The following DNAAF9 variants were observed in gnomAD, a reference collection of about 807,000 sequenced individuals.
DNAAF9 encodes the protein dynein axonemal assembly factor 9.
DNAAF9 carries 90 observed loss-of-function variants against 167.0 expected under a neutral mutation model. The ratio of observed to expected loss-of-function variants is 0.54; its 90% confidence interval spans 0.45 to 0.64. The LOEUF is 0.64. DNAAF9 is among the 30% of genes least tolerant of loss of function. The probability of loss-of-function intolerance (pLI) is 0.00; values close to 1 mark genes in which losing one functional copy is unlikely to be tolerated. For missense variants in DNAAF9, 1,315 were observed against 1,442.2 expected (o/e 0.91, Z 1.43); for synonymous variants, 491 against 508.8 (o/e 0.96, Z 0.47).
intron 30 of DNAAF9, among the ~76,000 whole-genome samples, chr20:3,267,276 T>C (rs7270135): frequency 0.2 from 30,116 of 152,142 alleles, 3,262 homozygotes; most frequent in African/African-American, 0.26. Context: ...AGCAGGAACT[T>C]CTTAAGCTAC....
intron 1 of DNAAF9, among the ~76,000 whole-genome samples, chr20:3,402,482 C>G (rs186549444): frequency 6.6e-6 from 1 of 152,198 alleles, no homozygotes; most frequent in Admixed American, 6.5e-5. Flanking sequence ...AACTAATTCC[C>G]CTATCCAACT....
At chr20:3,391,562 C>T (rs944165015) in intron 1 of DNAAF9, among the ~76,000 whole-genome samples, 3 of 149,364 alleles carry the variant, frequency 2.0e-5, no homozygotes, top group African/African-American at 7.4e-5. Context: ...GTGTATCCAG[C>T]CAGTCTTTTT....
At chr20:3,407,433 T>TC in intron 1 of DNAAF9, 42 bp downstream of exon 1, 2 of 1,271,774 alleles carry the variant, frequency 1.6e-6, no homozygotes, top group Non-Finnish European at 2.0e-6. Context: ...ACAGCCCGCA[T>TC]CCCCCGCCCG....
intron 11 of DNAAF9, among the ~76,000 whole-genome samples, 169 bp downstream of exon 11, chr20:3,332,111 C>T (rs1358367066): frequency 2.0e-5 from 3 of 152,208 alleles, no homozygotes; most frequent in South Asian, 2.1e-4. Context: ...CTGTGAGAAA[C>T]GTGTTAGACA....
rs1342044527 is a variant in DNAAF9, at chr20:3,362,299, A to G, written c.613-2706T>C. ...CAGTTGGAAATTGCAAGGGACTTTT[A>G]CTACTGAGCCTGTGGTGGCTGCCAT... On this transcript the variant is annotated intron_variant, in intron 6 of 36. Transcript: ENST00000252032. 2.8e-6 allele frequency: 3 copies of G among 1,057,776 alleles called. No homozygotes were observed. In the East Asian group the frequency reaches 7.1e-5, roughly 25 times the overall value. 65.5% of individuals were successfully genotyped at this position (1,057,776 alleles called of 1,614,324 possible). A position where few individuals can be genotyped will look rare whatever the true frequency, so the allele number is the denominator to read the frequency against.
chr20:3,327,712 C>T (rs1002929389), intron 12 of DNAAF9, among the ~76,000 whole-genome samples: 5 of 152,206 alleles, frequency 3.3e-5, no homozygotes, highest in African/African-American at 1.2e-4. Context: ...TATTAAGTCA[C>T]AGAAAATTCA....
intron 27 of DNAAF9, 64 bp from the exon 28 acceptor site, chr20:3,281,830 G>A: frequency 6.6e-7 from 1 of 1,519,218 alleles, no homozygotes; most frequent in Non-Finnish European, 9.0e-7. Context: ...AGGAAGAGGG[G>A]AATCCCGAAT....
chr20:3,397,636 C>T (rs747794476), intron 1 of DNAAF9, among the ~76,000 whole-genome samples: 2 of 151,680 alleles, frequency 1.3e-5, no homozygotes, highest in African/African-American at 2.4e-5. Context: ...ATTGCTTTTG[C>T]TTATCTTATT....
In DNAAF9 at chr20:3,350,164, C is replaced by G. The variant is rs532355701; in HGVS notation, c.691-1541G>C. Among the ~76,000 whole-genome samples the G allele has an allele frequency of 1.4e-3, 208 of 150,828 alleles. 4 individuals are homozygous for G. The South Asian group carries it at 0.027, about 19-fold the overall frequency. On this transcript the variant is annotated intron_variant, in intron 7 of 36. Coordinates refer to ENST00000252032, the MANE Select transcript of DNAAF9 (RefSeq NM_001009984.3). ...AGACACACAGACACACAGACACACA[C>G]ACACACACACACACACACACACACA...
At position 3,313,286 on chromosome 20, in the gene DNAAF9, A is replaced by T. The variant is rs142432081; in HGVS notation, c.1678+1747T>A. On this transcript the variant is annotated intron_variant, in intron 20 of 36. Transcript: ENST00000252032. ...CCAGGATCTGGAGAGGCAGAAGTGC[A>T]GGGACAGATGTGTTAACAAATGCCA... 9.0e-3 allele frequency among the ~76,000 whole-genome samples: 1,371 copies of T among 152,346 alleles called. 19 individuals are homozygous for T. Among genetic ancestry groups the T allele is most frequent in the African/African-American group, 0.032 (1,317 of 41,578 alleles).
intron 23 of DNAAF9, chr20:3,296,041 C>T (rs1600727005): frequency 1.1e-6 from 1 of 947,756 alleles, no homozygotes; most frequent in Non-Finnish European, 1.7e-6. Context: ...ATTTTCCACC[C>T]TGGTAGTAAC....
chr20:3,351,035 CATT>C (rs2070312602), intron 7 of DNAAF9, among the ~76,000 whole-genome samples: 3 of 152,224 alleles, frequency 2.0e-5, no homozygotes, highest in African/African-American at 7.2e-5. Flanking sequence ...ACCAATTAGA[CATT>C]ATGTGCTTCT....
intron 31 of DNAAF9, among the ~76,000 whole-genome samples, chr20:3,262,249 T>C (rs2068403569): frequency 7.9e-6 from 1 of 127,352 alleles, no homozygotes; most frequent in African/African-American, 3.0e-5. Context: ...GTTCACATTC[T>C]TTTTTTTTTT....
chr20:3,326,922 C>A (rs535312551), intron 12 of DNAAF9, among the ~76,000 whole-genome samples: 4 of 152,262 alleles, frequency 2.6e-5, no homozygotes, highest in South Asian at 4.1e-4. Context: ...GCAGGAACAG[C>A]TACCTACAGA....
intron 27 of DNAAF9, among the ~76,000 whole-genome samples, chr20:3,286,925 C>T (rs545414107): frequency 9.8e-5 from 15 of 152,328 alleles, no homozygotes; most frequent in African/African-American, 2.9e-4. Flanking sequence ...TTCCTGACTG[C>T]GCATTCCCCT....
chr20:3,255,623 A>C (rs2068266816), intron 34 of DNAAF9, among the ~76,000 whole-genome samples: 1 of 152,158 alleles, frequency 6.6e-6, no homozygotes, highest in South Asian at 2.1e-4. Context: ...AACCGTTTAG[A>C]AGCTTATCCA....
intron 6 of DNAAF9, among the ~76,000 whole-genome samples, chr20:3,367,871 C>G (rs969192106): frequency 1.3e-5 from 2 of 148,952 alleles, no homozygotes; most frequent in African/African-American, 5.0e-5. Flanking sequence ...TTGGAGCCAA[C>G]AGGCTTGCTG....
chr20:3,310,261 GAGAA>G lies in DNAAF9; in HGVS notation c.1678+4768_1678+4771del, dbSNP rs201849252. ...AGAGAGAGAAACAGAGAGAGAGAGA[GAGAA>G]AGAAAGAGAAAGAAAGGAAAGAAAG... On this transcript the variant is annotated intron_variant, in intron 20 of 36. Coordinates refer to ENST00000252032, the MANE Select transcript of DNAAF9 (RefSeq NM_001009984.3). 2.4e-3 allele frequency among the ~76,000 whole-genome samples: 355 copies of G among 145,494 alleles called. 4 individuals carry two copies. Among genetic ancestry groups the G allele is most frequent in the East Asian group, 0.017 (83 of 4,950 alleles).
intron 14 of DNAAF9, among the ~76,000 whole-genome samples, chr20:3,323,893 C>A (rs2069664525): frequency 6.6e-6 from 1 of 152,212 alleles, no homozygotes; most frequent in Non-Finnish European, 1.5e-5. Context: ...GCTGAAGGAG[C>A]AGATACAGAC....
Sources: allele counts gnomAD v4.1 joint callset (sites outside exome capture counted in the v4.1 genomes callset), GRCh38; gene constraint gnomAD v4.1.1; transcripts MANE v1.5; gene names NCBI Gene and HGNC (gene_info 2026-07-23, HGNC 2026-07-21).